The following SLMAP variants were observed in gnomAD, a reference collection of about 807,000 sequenced individuals.
The protein encoded by SLMAP is sarcolemmal membrane-associated protein.
Under a neutral mutation model 128.8 loss-of-function variants are expected in SLMAP, and 44 were observed. The ratio of observed to expected loss-of-function variants is 0.34; its 90% CI spans 0.27 to 0.44. The LOEUF (loss-of-function observed/expected upper bound fraction) is 0.44. Among genes scored for constraint, SLMAP ranks in the 20% least tolerant of loss-of-function variants. SLMAP has a pLI of 1.00. For synonymous variants in SLMAP, 327 were observed against 348.8 expected (o/e 0.94, Z 0.70); for missense variants, 787 against 985.3 (o/e 0.80, Z 2.69).
chr3:57,763,644 G>A (rs1480003166), intron 2 of SLMAP, among the ~76,000 whole-genome samples: 1 of 152,100 alleles, frequency 6.6e-6, no homozygotes, highest in Non-Finnish European at 1.5e-5. Context: ...TAAAGGGGGA[G>A]AAAATGACAA....
intron 3 of SLMAP, among the ~76,000 whole-genome samples, chr3:57,839,862 T>C (rs936904969): frequency 6.6e-6 from 1 of 151,606 alleles, no homozygotes; most frequent in Non-Finnish European, 1.5e-5. Context: ...GCCTAATTTT[T>C]GTATTTTTAG....
intron 2 of SLMAP, among the ~76,000 whole-genome samples, chr3:57,798,740 T>G (rs116219151): frequency 0.013 from 2,030 of 152,302 alleles, 48 homozygotes; most frequent in African/African-American, 0.046. Flanking sequence ...AAAATCACTT[T>G]CAGAGTCAGC....
At chr3:57,886,291 T>G (rs1447232366) in intron 14 of SLMAP, among the ~76,000 whole-genome samples, 6 of 141,624 alleles carry the variant, frequency 4.2e-5, no homozygotes, top group Admixed American at 7.1e-5. Context: ...TAGAACCGGG[T>G]TTTCACCATG....
At chr3:57,818,401 C>T (rs753160660) in intron 2 of SLMAP, among the ~76,000 whole-genome samples, 30 of 152,142 alleles carry the variant, frequency 2.0e-4, no homozygotes, top group Non-Finnish European at 3.8e-4. Flanking sequence ...GTGATCCACC[C>T]GCCTCGGCCT....
chr3:57,873,967 A>G (rs1276689471), intron 14 of SLMAP, among the ~76,000 whole-genome samples: 2 of 152,100 alleles, frequency 1.3e-5, no homozygotes, highest in Non-Finnish European at 2.9e-5. Flanking sequence ...CTAAAAATAC[A>G]CAAAATTAGC....
At chr3:57,891,607 G>A (rs974303628) in intron 15 of SLMAP, among the ~76,000 whole-genome samples, 3 of 148,560 alleles carry the variant, frequency 2.0e-5, no homozygotes, top group African/African-American at 5.0e-5. Flanking sequence ...ACGGAGTTTC[G>A]CTCATGTTGC....
intron 2 of SLMAP, among the ~76,000 whole-genome samples, chr3:57,803,799 C>A (rs957284135): frequency 1.3e-5 from 2 of 152,170 alleles, no homozygotes; most frequent in African/African-American, 4.8e-5. Flanking sequence ...TCGCCTAAAT[C>A]CTGAATCCAG....
Position 57,897,214 on chromosome 3 carries a change from A to G in SLMAP, c.1501+282A>G, listed in dbSNP as rs751128536. The stretch of plus-strand genomic sequence containing the variant: ...TTTTGTTTACCCTTGTGTCTCTAAT[A>G]GGAATTTATTAGCGCTTTTAACATA... On this transcript the variant is annotated intron_variant, in intron 17 of 24. Transcript: ENST00000671191. 3.2e-5 allele frequency: 24 copies of G among 755,782 alleles called. No individual in the cohort carries two copies. In the East Asian group the frequency reaches 4.7e-4, roughly 15 times the overall value. The allele number at this position is 755,782 out of a possible 1,614,324, so 46.8% of individuals were successfully genotyped here. A position where few individuals can be genotyped will look rare whatever the true frequency, so the allele number is the denominator to read the frequency against.
chr3:57,830,908 T>C (rs560722864), intron 2 of SLMAP, among the ~76,000 whole-genome samples: 65 of 152,350 alleles, frequency 4.3e-4, no homozygotes, highest in African/African-American at 1.3e-3. Flanking sequence ...TTATCAATAC[T>C]TCACCCCTTT....
intron 15 of SLMAP, among the ~76,000 whole-genome samples, chr3:57,892,809 C>CACAT (rs3052809): frequency 3.4e-5 from 5 of 148,164 alleles, no homozygotes; most frequent in African/African-American, 1.2e-4. Context: ...CACACACACA[C>CACAT]ATACACACAC....
intron 2 of SLMAP, among the ~76,000 whole-genome samples, chr3:57,760,004 A>G (rs2078296237): frequency 6.6e-6 from 1 of 152,160 alleles, no homozygotes; most frequent in Non-Finnish European, 1.5e-5. Flanking sequence ...CAGTGGCGCA[A>G]CCTCAGCTCA....
chr3:57,829,856 G>A (rs551232427), intron 2 of SLMAP, among the ~76,000 whole-genome samples: 13 of 152,248 alleles, frequency 8.5e-5, no homozygotes, highest in African/African-American at 2.9e-4. Flanking sequence ...GAGGGGTGAA[G>A]GATAAATGAA....
chr3:57,763,790 T>G (rs2079133271), intron 2 of SLMAP, among the ~76,000 whole-genome samples: 1 of 152,240 alleles, frequency 6.6e-6, no homozygotes, highest in Admixed American at 6.5e-5. Context: ...ACATTTGACT[T>G]TAAAATTAGG....
At chr3:57,859,862 T>G (rs2153598077) in intron 8 of SLMAP, among the ~76,000 whole-genome samples, 1 of 152,242 alleles carries the variant, frequency 6.6e-6, no homozygotes, top group East Asian at 1.9e-4. Flanking sequence ...GGTATTGGAA[T>G]AAAAAAATTT....
intron 2 of SLMAP, among the ~76,000 whole-genome samples, chr3:57,809,182 G>A (rs910836946): frequency 2.6e-5 from 4 of 152,126 alleles, no homozygotes; most frequent in Admixed American, 6.5e-5. Context: ...ACACCCCCAG[G>A]TGCAGCTGCA....
At chr3:57,906,164 T>C (rs944649292) in intron 17 of SLMAP, among the ~76,000 whole-genome samples, 19 of 151,462 alleles carry the variant, frequency 1.3e-4, no homozygotes, top group Non-Finnish European at 2.7e-4. Flanking sequence ...TGAGAGAAGT[T>C]TTGTAGCTAA....
At chr3:57,776,951 AAAAGTAACTGTAAT>A (rs2082070806) in intron 2 of SLMAP, among the ~76,000 whole-genome samples, 1 of 152,116 alleles carries the variant, frequency 6.6e-6, no homozygotes, top group Non-Finnish European at 1.5e-5. Context: ...AAATCTCCTT[AAAAGTAACTGTAAT>A]AGACTATGCT....
Position 57,757,881 on chromosome 3 carries a change from T to A in SLMAP, c.198+32T>A, listed in dbSNP as rs542158954. 2.2e-5 allele frequency: 36 copies of A among 1,606,276 alleles called. 1 individual carries two copies. Among genetic ancestry groups the A allele is most frequent in the Middle Eastern group, 3.3e-4 (2 of 6,056 alleles). ...TCACCACATTGTCCAGCGGCATTGT[T>A]TAACAAACTTTTTTTCCCCTTTTGC... is the stretch of plus-strand genomic sequence containing the variant. On this transcript the variant is annotated intron_variant, in intron 2 of 24. Transcript: ENST00000671191.
chr3:57,859,831 A>G (rs2094963969), intron 8 of SLMAP, among the ~76,000 whole-genome samples: 1 of 152,164 alleles, frequency 6.6e-6, no homozygotes. Context: ...CATGTAACCA[A>G]AAACCACTTG....
Sources: allele counts gnomAD v4.1 joint callset (sites outside exome capture counted in the v4.1 genomes callset), GRCh38; gene constraint gnomAD v4.1.1; transcripts MANE v1.5; gene names NCBI Gene and HGNC (gene_info 2026-07-23, HGNC 2026-07-21).